ATRNL1: variants seen among roughly 807,000 people sequenced by gnomAD.
ATRNL1 encodes attractin-like protein 1.
ATRNL1 carries 95 observed loss-of-function variants against 182.7 expected under a neutral mutation model. The ratio of observed to expected loss-of-function variants is 0.52; its 90% CI spans 0.44 to 0.62. The LOEUF is 0.62. Ranked by LOEUF, ATRNL1 falls within the 20% of genes least tolerant of loss-of-function variation. ATRNL1 has a pLI of 0.00. For missense variants in ATRNL1, 1,471 were observed against 1,679.5 expected, an observed-to-expected ratio of 0.88 and a Z score of 2.17; for synonymous variants, 576 against 568.3, an observed-to-expected ratio of 1.01 and a Z score of -0.19.
At chr10:115,380,571 A>G (rs782741948) in intron 19 of ATRNL1, among the ~76,000 whole-genome samples, 8 of 151,882 alleles carry the variant, frequency 5.3e-5, no homozygotes, top group Non-Finnish European at 7.4e-5. Flanking sequence ...TCAATAATCT[A>G]CTTCCTATTT....
chr10:115,237,272 T>A (rs1850226167), intron 9 of ATRNL1, among the ~76,000 whole-genome samples: 1 of 152,204 alleles, frequency 6.6e-6, no homozygotes, highest in African/African-American at 2.4e-5. Context: ...TGGAGTGCAA[T>A]TCCTGGATGG....
chr10:115,907,930 A>G (rs1952552364), intron 28 of ATRNL1, among the ~76,000 whole-genome samples: 1 of 152,202 alleles, frequency 6.6e-6, no homozygotes, highest in Non-Finnish European at 1.5e-5. Flanking sequence ...TAAGGCAAAG[A>G]AGAAAGCATA....
chr10:115,906,330 G>T (rs928075117), intron 28 of ATRNL1, among the ~76,000 whole-genome samples: 4 of 152,160 alleles, frequency 2.6e-5, no homozygotes, highest in African/African-American at 7.2e-5. Context: ...TCTGGATTCA[G>T]ATTTCTCTCT....
At chr10:115,119,083 T>A (rs181344011) in intron 1 of ATRNL1, among the ~76,000 whole-genome samples, 1 of 152,156 alleles carries the variant, frequency 6.6e-6, no homozygotes, top group South Asian at 2.1e-4. Flanking sequence ...TAGAAAATGC[T>A]TAAGTTATTA....
intron 27 of ATRNL1, among the ~76,000 whole-genome samples, chr10:115,817,158 C>T (rs534293293): frequency 1.2e-3 from 180 of 152,116 alleles, no homozygotes; most frequent in Non-Finnish European, 2.3e-3. Flanking sequence ...AACACAGGGA[C>T]ATAAAGACAT....
chr10:115,947,915 G>A lies in ATRNL1; in HGVS notation c.*3136G>A, dbSNP rs1045509089. On this transcript the variant is annotated 3_prime_UTR_variant, in exon 29 of 29. Transcript: ENST00000355044. ...TTTCGAGGCATTGCGAGGCTAGATG[G>A]TAACACACAGAAAGCTCCCACAGTG... The A allele has an allele frequency of 1.3e-5, 2 of 152,206 alleles. No individual in the cohort carries two copies. The highest frequency in any genetic ancestry group is 4.8e-5 in the African/African-American group (2 of 41,456). The allele number at this position is 152,206 out of a possible 1,614,324, so 9.4% of individuals were successfully genotyped here. A position where few individuals can be genotyped will look rare whatever the true frequency, so the allele number is the denominator to read the frequency against.
intron 27 of ATRNL1, among the ~76,000 whole-genome samples, chr10:115,795,044 C>A (rs1016699188): frequency 6.7e-6 from 1 of 148,814 alleles, no homozygotes; most frequent in Non-Finnish European, 1.5e-5. Context: ...TACTTTCTGG[C>A]ACAAGATATT....
In ATRNL1 at chr10:115,568,799, A is replaced by G. The variant is rs116569684; in HGVS notation, c.3795+19263A>G. On this transcript the variant is annotated intron_variant, in intron 26 of 28. Transcript: ENST00000355044. Reference sequence around the variant, plus strand: ...AAAGTTATAAATTAAAAAGTTTCACATTTATCTATAACCTAGTCCACACTT... The same window carrying G: ...AAAGTTATAAATTAAAAAGTTTCACGTTTATCTATAACCTAGTCCACACTT... Among the ~76,000 whole-genome samples the G allele has an allele frequency of 9.0e-3, 1,365 of 152,102 alleles. 16 individuals are homozygous for G. The highest frequency in any genetic ancestry group is 0.029 in the African/African-American group (1,225 of 41,542).
chr10:115,637,254 A>G (rs782282079), intron 26 of ATRNL1, among the ~76,000 whole-genome samples: 13 of 152,172 alleles, frequency 8.5e-5, no homozygotes, highest in Non-Finnish European at 1.8e-4. Flanking sequence ...AGCATTCCAG[A>G]AAAAGGCATG....
chr10:115,453,840 TA>T, intron 21 of ATRNL1, among the ~76,000 whole-genome samples: 1 of 151,506 alleles, frequency 6.6e-6, no homozygotes, highest in Middle Eastern at 3.4e-3. Context: ...GAGATATACC[TA>T]ATGCTAAATG....
intron 10 of ATRNL1, among the ~76,000 whole-genome samples, chr10:115,252,671 G>A (rs1354143776): frequency 1.3e-5 from 2 of 152,002 alleles, no homozygotes; most frequent in African/African-American, 4.8e-5. Flanking sequence ...TTTTCTTCTG[G>A]GGCTTGACCT....
intron 26 of ATRNL1, among the ~76,000 whole-genome samples, chr10:115,639,775 A>G (rs1859114822): frequency 6.6e-6 from 1 of 152,132 alleles, no homozygotes; most frequent in East Asian, 1.9e-4. Flanking sequence ...AGAGAGAGGG[A>G]TAAAATGATG....
At chr10:115,580,458 T>C (rs1352950458) in intron 26 of ATRNL1, among the ~76,000 whole-genome samples, 1 of 152,122 alleles carries the variant, frequency 6.6e-6, no homozygotes, top group Non-Finnish European at 1.5e-5. Context: ...AAAAATCAAC[T>C]GATAGTCTGA....
At chr10:115,679,691 C>T (rs1296638814) in intron 26 of ATRNL1, among the ~76,000 whole-genome samples, 1 of 152,010 alleles carries the variant, frequency 6.6e-6, no homozygotes, top group Non-Finnish European at 1.5e-5. Context: ...AAGGCTATAC[C>T]TTTAATCATA....
At chr10:115,589,604 G>C (rs1350987916) in intron 26 of ATRNL1, among the ~76,000 whole-genome samples, 1 of 151,996 alleles carries the variant, frequency 6.6e-6, no homozygotes, top group Non-Finnish European at 1.5e-5. Flanking sequence ...CTTATTATTT[G>C]AGTGTAGGAT....
chr10:115,386,727 A>G (rs1592573745), intron 19 of ATRNL1, among the ~76,000 whole-genome samples: 1 of 151,340 alleles, frequency 6.6e-6, no homozygotes, highest in South Asian at 2.1e-4. Context: ...GGTTAGTTAC[A>G]TATGTATACA....
chr10:115,276,052 G>A (rs559259968), intron 13 of ATRNL1, among the ~76,000 whole-genome samples: 48 of 151,872 alleles, frequency 3.2e-4, no homozygotes, highest in South Asian at 1.0e-3. Flanking sequence ...TACTTTTACC[G>A]TTCTGGAGGC....
intron 27 of ATRNL1, among the ~76,000 whole-genome samples, chr10:115,755,442 C>T (rs1948561483): frequency 6.6e-6 from 1 of 152,072 alleles, no homozygotes; most frequent in African/African-American, 2.4e-5. Context: ...TGGTTTTTGT[C>T]ATTGGTTCTG....
intron 26 of ATRNL1, among the ~76,000 whole-genome samples, chr10:115,570,967 A>G (rs1555003281): frequency 6.6e-6 from 1 of 152,196 alleles, no homozygotes; most frequent in Non-Finnish European, 1.5e-5. Flanking sequence ...TAATTTGAGC[A>G]GAGCTCAGCT....
Sources: allele counts gnomAD v4.1 joint callset (sites outside exome capture counted in the v4.1 genomes callset), GRCh38; gene constraint gnomAD v4.1.1; transcripts MANE v1.5; gene names NCBI Gene and HGNC (gene_info 2026-07-23, HGNC 2026-07-21).